CACNA1C: variants seen among roughly 807,000 people sequenced by gnomAD.
The protein encoded by CACNA1C is calcium voltage-gated channel subunit alpha1 C, also known as voltage-dependent L-type calcium channel subunit alpha-1C.
In CACNA1C, 30 loss-of-function variants were observed where a neutral mutation model predicts 229.0. The observed-to-expected ratio is 0.13, with a 90% CI of 0.10 to 0.18. The LOEUF (loss-of-function observed/expected upper bound fraction) is 0.18, where lower values mean the gene tolerates loss of function less well. Ranked by LOEUF, CACNA1C falls within the 10% of genes least tolerant of loss-of-function variation. The pLI, the probability that CACNA1C is intolerant of heterozygous loss-of-function variation, is 1.00. For synonymous variants in CACNA1C, 1,114 were observed against 1,132.5 expected (o/e 0.98, Z 0.33); for missense variants, 1,658 against 2,845.0 (o/e 0.58, Z 9.49).
At chr12:2,480,912 C>A (rs796372165) in intron 5 of CACNA1C, among the ~76,000 whole-genome samples, 1 of 152,210 alleles carries the variant, frequency 6.6e-6, no homozygotes, top group African/African-American at 2.4e-5. Context: ...GCAATGATCT[C>A]CAATTCTAGG....
intron 1 of CACNA1C, among the ~76,000 whole-genome samples, chr12:2,101,719 C>T (rs1349392857): frequency 6.6e-6 from 1 of 152,056 alleles, no homozygotes; most frequent in Non-Finnish European, 1.5e-5. Flanking sequence ...ACAGTGAATG[C>T]GCAGGGTGAG....
At chr12:2,680,289 T>C in intron 42 of CACNA1C, 1 of 1,144,318 alleles carries the variant, frequency 8.7e-7, no homozygotes, top group Non-Finnish European at 1.2e-6. Context: ...ACAGGATCAT[T>C]CCTGGAGGTC....
Position 2,669,051 on chromosome 12 carries a change from G to C in CACNA1C, c.4726+16G>C. 2 of 1,536,852 alleles carry C rather than the reference G, an allele frequency of 1.3e-6. No individual in the cohort carries two copies. The highest frequency in any genetic ancestry group is 1.8e-6 in the Non-Finnish European group (2 of 1,109,354). ...AAAACAGAAGGTAAGGTCGCCCGTGGGCACTGGGAGAGACACTCAGAAGGT... is the reference window on the plus strand; with the variant it reads ...AAAACAGAAGGTAAGGTCGCCCGTGCGCACTGGGAGAGACACTCAGAAGGT... On this transcript the variant is annotated intron_variant, in intron 38 of 46. Coordinates refer to ENST00000399655, the MANE Select transcript of CACNA1C (RefSeq NM_000719.7).
chr12:2,694,654 A>C lies in CACNA1C; in HGVS notation c.*3455A>C, dbSNP rs1334167697. ...CCAGGTGCTTGTCTGGAGTGAAGCTACCCGTTACTTTCTCCCAGCTTTTCT... is the reference window on the plus strand; with the variant it reads ...CCAGGTGCTTGTCTGGAGTGAAGCTCCCCGTTACTTTCTCCCAGCTTTTCT... On this transcript the variant is annotated 3_prime_UTR_variant, in exon 47 of 47. Coordinates refer to ENST00000399655, the MANE Select transcript of CACNA1C (RefSeq NM_000719.7). 3 of 152,224 alleles carry C rather than the reference A, an allele frequency of 2.0e-5. No individual in the cohort carries two copies. The highest frequency in any genetic ancestry group is 7.2e-5 in the African/African-American group (3 of 41,464). The allele number at this position is 152,224 out of a possible 1,614,324, so 9.4% of individuals were successfully genotyped here.
chr12:2,290,304 G>C (rs972506147), intron 3 of CACNA1C, among the ~76,000 whole-genome samples: 14 of 152,212 alleles, frequency 9.2e-5, no homozygotes, highest in African/African-American at 3.4e-4. Context: ...CATCAGGAAA[G>C]TGGCAGTGCT....
Position 2,354,913 on chromosome 12 carries a change from AG to A in CACNA1C, c.478-94061del, listed in dbSNP as rs982096714. Among the ~76,000 whole-genome samples the A allele has an allele frequency of 6.6e-6, 1 of 150,844 alleles. No homozygotes were observed. The highest frequency in any genetic ancestry group is 2.4e-5 in the African/African-American group (1 of 41,190). On this transcript the variant is annotated intron_variant, in intron 3 of 46. Coordinates refer to ENST00000399655, the MANE Select transcript of CACNA1C (RefSeq NM_000719.7). The surrounding 1 kb of genome is among the most constrained non-coding windows in gnomAD (Gnocchi z 4.6). Reference sequence around the variant, plus strand: ...TTTGGTGAGGAAATTTACATTACCCAGGTGTGCACTTGGGCAGGCTGAGCGA... The same window carrying A: ...TTTGGTGAGGAAATTTACATTACCCAGTGTGCACTTGGGCAGGCTGAGCGA...
intron 29 of CACNA1C, 182 bp downstream of exon 29, chr12:2,612,195 C>T (rs1054665827): frequency 2.3e-5 from 13 of 571,484 alleles, no homozygotes; most frequent in Non-Finnish European, 3.1e-5. Flanking sequence ...ACCAGGCCAA[C>T]TCCAGGAAAC....
chr12:2,139,107 AGTTTCAAAGTCCAGGT>A (rs2154188983), intron 3 of CACNA1C, among the ~76,000 whole-genome samples: 1 of 151,234 alleles, frequency 6.6e-6, no homozygotes, highest in South Asian at 2.1e-4. Context: ...CAGAGGCCAG[AGTTTCAAAGTCCAGGT>A]GTTAGTAGCA....
intron 3 of CACNA1C, among the ~76,000 whole-genome samples, chr12:2,284,507 G>T (rs1383188544): frequency 2.0e-5 from 3 of 152,192 alleles, no homozygotes; most frequent in African/African-American, 7.2e-5. Context: ...CCTCCAGGCG[G>T]GCATACTGCC....
intron 30 of CACNA1C, among the ~76,000 whole-genome samples, chr12:2,643,054 A>T (rs1448933281): frequency 6.6e-6 from 1 of 152,234 alleles, no homozygotes; most frequent in Non-Finnish European, 1.5e-5. Context: ...AGAGCAAAAG[A>T]GGGCCAGGAG....
rs2078696512 is a variant in CACNA1C, at chr12:2,106,501, C to T, written c.50-8723C>T. On this transcript the variant is annotated intron_variant, in intron 1 of 46. Transcript: ENST00000399655. ...GGGAGCCCACCCCGGGGAGGGTTTCCACCTCAGCTGGGTGTCCTGAAGCCA... is the reference window on the plus strand; with the variant it reads ...GGGAGCCCACCCCGGGGAGGGTTTCTACCTCAGCTGGGTGTCCTGAAGCCA... Among the ~76,000 whole-genome samples the T allele has an allele frequency of 1.3e-4, 13 of 102,998 alleles. 1 individual carries two copies. In the South Asian group the frequency reaches 4.7e-3, roughly 37 times the overall value. 67.6% of individuals were successfully genotyped at this position (102,998 alleles called of 152,430 possible).
chr12:2,441,996 T>C (rs1303765363), intron 3 of CACNA1C, among the ~76,000 whole-genome samples: 1 of 152,186 alleles, frequency 6.6e-6, no homozygotes, highest in South Asian at 2.1e-4. Context: ...CACTGTAATT[T>C]TCTTACGTCC....
intron 9 of CACNA1C, among the ~76,000 whole-genome samples, chr12:2,526,356 G>T (rs2154580987): frequency 6.6e-6 from 1 of 152,272 alleles, no homozygotes; most frequent in South Asian, 2.1e-4. Context: ...ACACTGGAGT[G>T]ACCACCTCCC....
chr12:2,311,337 G>A (rs972985662), intron 3 of CACNA1C, among the ~76,000 whole-genome samples: 6 of 152,322 alleles, frequency 3.9e-5, no homozygotes, highest in East Asian at 3.9e-4. Context: ...ATTGCAAGAC[G>A]TGTGCTGGAA....
chr12:2,375,303 C>T lies in CACNA1C; in HGVS notation c.478-73673C>T, dbSNP rs1594572881. On this transcript the variant is annotated intron_variant, in intron 3 of 46. Transcript: ENST00000399655. ...AGGTTGGGCTGAGATCTGCAAGGTA[C>T]AAGCAGGGCTTGCTTGGGGTTCTGA... Among the ~76,000 whole-genome samples, 6 of 152,186 alleles carry T rather than the reference C, an allele frequency of 3.9e-5. No homozygotes were observed. The South Asian group carries it at 1.0e-3, about 26-fold the overall frequency.
chr12:2,352,930 G>A (rs2097249408), intron 3 of CACNA1C, among the ~76,000 whole-genome samples: 1 of 152,226 alleles, frequency 6.6e-6, no homozygotes, highest in Non-Finnish European at 1.5e-5. Context: ...GACTCTGCAA[G>A]ACAAATGCAG....
At chr12:2,044,270 T>C (rs1017690971) in intron 1 of CACNA1C, among the ~76,000 whole-genome samples, 1 of 152,202 alleles carries the variant, frequency 6.6e-6, no homozygotes, top group African/African-American at 2.4e-5. Context: ...AATACATGAC[T>C]GGAAGTGTCC....
chr12:2,165,218 A>T (rs941082382), intron 3 of CACNA1C, among the ~76,000 whole-genome samples: 1 of 152,242 alleles, frequency 6.6e-6, no homozygotes, highest in Admixed American at 6.5e-5. Flanking sequence ...AAATAAATCA[A>T]TTGTAAACCT....
At chr12:2,501,196 T>A (rs1303353756) in intron 7 of CACNA1C, among the ~76,000 whole-genome samples, 2 of 96,654 alleles carry the variant, frequency 2.1e-5, no homozygotes, top group Non-Finnish European at 3.7e-5. Context: ...GGCGACAGAG[T>A]GAGACTCCAC....
Sources: gnomAD v4.1 joint callset for allele counts (sites outside exome capture counted in the v4.1 genomes callset) on GRCh38, gnomAD v4.1.1 for gene constraint, Gnocchi (gnomAD v3.1) non-coding constraint, MANE v1.5 for transcripts, NCBI Gene and HGNC (gene_info 2026-07-23, HGNC 2026-07-21) for gene names.